COG5: variants seen among roughly 807,000 people sequenced by gnomAD.
COG5 encodes the protein component of oligomeric golgi complex 5, also known as conserved oligomeric Golgi complex subunit 5.
Under a neutral mutation model 110.4 loss-of-function variants are expected in COG5, and 86 were observed. That is an observed-to-expected ratio of 0.78 (90% CI 0.65 to 0.93). The LOEUF (loss-of-function observed/expected upper bound fraction) is 0.93, where lower values mean the gene tolerates loss of function less well. Among genes scored for constraint, COG5 ranks in the 40% least tolerant of loss-of-function variants. The probability of loss-of-function intolerance (pLI) is 0.00; values close to 1 mark genes in which losing one functional copy is unlikely to be tolerated. For missense variants in COG5, 1,077 were observed against 987.0 expected (o/e 1.09, Z -1.22); for synonymous variants, 360 against 334.6 (o/e 1.08, Z -0.83).
In COG5 at chr7:107,349,604, C is replaced by G. The variant is rs548082380; in HGVS notation, c.1026+12429G>C. Among the ~76,000 whole-genome samples the G allele has an allele frequency of 8.9e-4, 136 of 152,116 alleles. No individual in the cohort carries two copies. In the Middle Eastern group the frequency reaches 0.01, roughly 11 times the overall value. On this transcript the variant is annotated intron_variant, in intron 10 of 21. Coordinates refer to ENST00000297135, the MANE Select transcript of COG5 (RefSeq NM_006348.5). ...ACAGAGTCTCGCTCTGTCGCCCAGGCTGGAGTGCGGTGGTCCGATCTCGGC... is the reference window on the plus strand; with the variant it reads ...ACAGAGTCTCGCTCTGTCGCCCAGGGTGGAGTGCGGTGGTCCGATCTCGGC...
rs574950776 is a variant in COG5, at chr7:107,482,322, A to T, written c.538+44915T>A. On this transcript the variant is annotated intron_variant, in intron 6 of 21. Transcript: ENST00000297135. ...CATACCCAGCTAATTAAAAAAAAAAATTTTGTAGAGACAGGGTCTCATTAT... is the reference window on the plus strand; with the variant it reads ...CATACCCAGCTAATTAAAAAAAAAATTTTTGTAGAGACAGGGTCTCATTAT... Among the ~76,000 whole-genome samples, 39 of 151,574 alleles carry T rather than the reference A, an allele frequency of 2.6e-4. 1 individual carries two copies. The highest frequency in any genetic ancestry group is 3.4e-3 in the Middle Eastern group (1 of 292).
rs572872188 is a variant in COG5, at chr7:107,558,311, C to T, written c.95-196G>A. ...TTGAGAAAGAGATTAAAAAACATAA[C>T]GACTGGCCAGGCACACTGGCTCATG... On this transcript the variant is annotated intron_variant, in intron 1 of 21. Coordinates refer to ENST00000297135, the MANE Select transcript of COG5 (RefSeq NM_006348.5). Among the ~76,000 whole-genome samples the T allele has an allele frequency of 1.9e-3, 287 of 152,262 alleles. 2 individuals are homozygous for T. Among genetic ancestry groups the T allele is most frequent in the South Asian group, 0.016 (75 of 4,826 alleles).
At chr7:107,512,854 C>G (rs368223519) in intron 6 of COG5, among the ~76,000 whole-genome samples, 2 of 151,074 alleles carry the variant, frequency 1.3e-5, no homozygotes, top group Non-Finnish European at 3.0e-5. Context: ...ATGTAGAAAG[C>G]TGAAACTGGA....
intron 6 of COG5, among the ~76,000 whole-genome samples, chr7:107,488,338 A>G (rs1177668662): frequency 6.6e-6 from 1 of 151,978 alleles, no homozygotes; most frequent in Non-Finnish European, 1.5e-5. Context: ...TTCTGGATAC[A>G]ATATTTAGAA....
intron 6 of COG5, among the ~76,000 whole-genome samples, chr7:107,507,757 A>G (rs868722937): frequency 1.5e-4 from 23 of 152,192 alleles, no homozygotes; most frequent in African/African-American, 4.8e-4. Flanking sequence ...ACGTTTGCCT[A>G]TAAGTATTGT....
Position 107,476,183 on chromosome 7 carries a change from T to TAAAAAAAAAAAAAAAAAAAA in COG5, c.538+51053_538+51054insTTTTTTTTTTTTTTTTTTTT, listed in dbSNP as rs1563056700. On this transcript the variant is annotated intron_variant, in intron 6 of 21. Coordinates refer to ENST00000297135, the MANE Select transcript of COG5 (RefSeq NM_006348.5). ...TCTGGATTAATATAGTGCAATGATT[T>TAAAAAAAAAAAAAAAAAAAA]TAAAAAAAAAAAAAAAAAAAAAAAG... 2.7e-3 allele frequency among the ~76,000 whole-genome samples: 230 copies of TAAAAAAAAAAAAAAAAAAAA among 86,162 alleles called. 7 individuals are homozygous for TAAAAAAAAAAAAAAAAAAAA. Among genetic ancestry groups the TAAAAAAAAAAAAAAAAAAAA allele is most frequent in the Middle Eastern group, 6.3e-3 (1 of 158 alleles). 56.5% of individuals were successfully genotyped at this position (86,162 alleles called of 152,430 possible). A position where few individuals can be genotyped will look rare whatever the true frequency, so the allele number is the denominator to read the frequency against.
Position 107,563,818 on chromosome 7 carries a change from C to T in COG5, c.79G>A (p.Glu27Lys), listed in dbSNP as rs774446414. 1 of 1,613,892 alleles carries T rather than the reference C, an allele frequency of 6.2e-7. No individual in the cohort carries two copies. The highest frequency in any genetic ancestry group is 8.5e-7 in the Non-Finnish European group (1 of 1,179,910). ...GTCTCCTTACCGTCCTGCAGAAGTT[C>T]CCGGACTGTAGCTGCAGCCGCTCCA... is the stretch of plus-strand genomic sequence containing the variant. ...GSGAAAATVR[E>K]LLQDGCYSDF... is the part of the protein sequence containing the mutation. The change falls in exon 1 of 22, where the codon GAA becomes AAA. Residue 27 changes from glutamate to lysine, a missense_variant. Coordinates refer to ENST00000297135, the MANE Select transcript of COG5 (RefSeq NM_006348.5).
At chr7:107,280,260 A>C (rs1805057661) in intron 14 of COG5, among the ~76,000 whole-genome samples, 1 of 152,084 alleles carries the variant, frequency 6.6e-6, no homozygotes, top group African/African-American at 2.4e-5. Flanking sequence ...TGCTTCTAAG[A>C]TGATTTTGTC....
chr7:107,234,238 T>C (rs534259974), intron 18 of COG5, among the ~76,000 whole-genome samples: 21 of 152,322 alleles, frequency 1.4e-4, no homozygotes, highest in African/African-American at 3.8e-4. Flanking sequence ...TGTGTGTAAA[T>C]GCTTCTTCTA....
intron 5 of COG5, among the ~76,000 whole-genome samples, chr7:107,531,105 T>C (rs772111788): frequency 9.2e-5 from 14 of 152,242 alleles, no homozygotes; most frequent in Non-Finnish European, 1.3e-4. Context: ...TTTTCTTGTT[T>C]TTAATCTGTT....
chr7:107,512,776 G>A (rs1011896720), intron 6 of COG5, among the ~76,000 whole-genome samples: 10 of 151,946 alleles, frequency 6.6e-5, no homozygotes, highest in African/African-American at 2.2e-4. Context: ...TGACAAACCT[G>A]ACAAAAACAA....
chr7:107,518,670 GA>G (rs1800116172), intron 6 of COG5, among the ~76,000 whole-genome samples: 1 of 152,080 alleles, frequency 6.6e-6, no homozygotes, highest in Non-Finnish European at 1.5e-5. Flanking sequence ...CAAGTTCTTA[GA>G]GACCTACAAA....
chr7:107,357,228 T>C (rs1342944961), intron 10 of COG5, among the ~76,000 whole-genome samples: 1 of 152,166 alleles, frequency 6.6e-6, no homozygotes, highest in Non-Finnish European at 1.5e-5. Context: ...AAAAAGACCA[T>C]TCAAAGAAAT....
intron 11 of COG5, among the ~76,000 whole-genome samples, chr7:107,321,254 G>T (rs182168275): frequency 1.3e-5 from 2 of 152,202 alleles, no homozygotes; most frequent in Admixed American, 6.5e-5. Context: ...ATAAATTTAA[G>T]AAAAGATTTG....
chr7:107,493,894 A>T (rs1348279484), intron 6 of COG5, among the ~76,000 whole-genome samples: 1 of 152,214 alleles, frequency 6.6e-6, no homozygotes, highest in Non-Finnish European at 1.5e-5. Context: ...TAAATAAGGG[A>T]AAGATGTGCC....
chr7:107,319,785 C>T (rs1809093390), intron 11 of COG5, among the ~76,000 whole-genome samples: 1 of 152,032 alleles, frequency 6.6e-6, no homozygotes, highest in Admixed American at 6.6e-5. Flanking sequence ...TGATAAGAAA[C>T]TGGTTTTCTC....
chr7:107,475,390 C>A, intron 6 of COG5: 1 of 1,023,366 alleles, frequency 9.8e-7, no homozygotes, highest in Non-Finnish European at 1.4e-6. Flanking sequence ...ACCAAATCCA[C>A]ATTCAAATGA....
intron 11 of COG5, 139 bp downstream of exon 11, chr7:107,324,301 G>C: frequency 5.0e-6 from 3 of 598,226 alleles, no homozygotes; most frequent in Non-Finnish European, 8.8e-6. Flanking sequence ...TAAACATCTA[G>C]ACAAAATAAC....
chr7:107,403,243 C>T (rs1791569334), intron 7 of COG5, among the ~76,000 whole-genome samples: 1 of 152,138 alleles, frequency 6.6e-6, no homozygotes, highest in African/African-American at 2.4e-5. Flanking sequence ...GTTCTGGCTG[C>T]TGTAACAAAA....
Sources: gnomAD v4.1 joint callset for allele counts (sites outside exome capture counted in the v4.1 genomes callset) on GRCh38, gnomAD v4.1.1 for gene constraint, MANE v1.5 for transcripts, NCBI Gene and HGNC (gene_info 2026-07-23, HGNC 2026-07-21) for gene names.